Variants in CD47 observed in about 807,000 individuals in gnomAD.
CD47 encodes the protein CD47 molecule.
In CD47, 11 loss-of-function variants were observed where a neutral mutation model predicts 44.6. That is an observed-to-expected ratio of 0.25 (90% CI 0.16 to 0.41). The LOEUF is 0.41. Among genes scored for constraint, CD47 ranks in the 10% least tolerant of loss-of-function variants. The pLI is 1.00. For synonymous variants in CD47, 140 were observed against 136.3 expected (o/e 1.03, Z -0.19); for missense variants, 306 against 386.7 (o/e 0.79, Z 1.75).
At chr3:108,075,858 A>G (rs1183375299) in intron 2 of CD47, among the ~76,000 whole-genome samples, 2 of 152,244 alleles carry the variant, frequency 1.3e-5, no homozygotes, top group African/African-American at 4.8e-5. Flanking sequence ...AATAAACTCA[A>G]TATGTGAGAG....
intron 5 of CD47, 22 bp downstream of exon 5, chr3:108,059,430 T>C: frequency 8.6e-7 from 1 of 1,164,608 alleles, no homozygotes; most frequent in South Asian, 1.6e-5. Flanking sequence ...GACAAAATCA[T>C]ACTGTAACAA....
chr3:108,078,530 T>C (rs948941442), intron 2 of CD47, among the ~76,000 whole-genome samples: 1 of 151,458 alleles, frequency 6.6e-6, no homozygotes, highest in Non-Finnish European at 1.5e-5. Flanking sequence ...CTCAGAAAAA[T>C]TTCAACTAGG....
intron 3 of CD47, among the ~76,000 whole-genome samples, chr3:108,062,679 G>A (rs546961594): frequency 1.6e-3 from 225 of 144,446 alleles, no homozygotes; most frequent in African/African-American, 5.4e-3. Context: ...CTCTCACTCC[G>A]TTACCCAGGC....
At chr3:108,077,150 C>T (rs1441545337) in intron 2 of CD47, among the ~76,000 whole-genome samples, 1 of 152,144 alleles carries the variant, frequency 6.6e-6, no homozygotes, top group Non-Finnish European at 1.5e-5. Flanking sequence ...GTAGAATTCA[C>T]TTCTCTATTG....
intron 8 of CD47, 118 bp from the exon 9 acceptor site, chr3:108,050,720 A>C (rs2078811931): frequency 1.7e-5 from 8 of 464,920 alleles, no homozygotes; most frequent in Admixed American, 1.5e-4. Flanking sequence ...CCTACAGTCA[A>C]AAAAAAAAGA....
chr3:108,068,799 C>A (rs2108249418), intron 3 of CD47, among the ~76,000 whole-genome samples: 1 of 152,308 alleles, frequency 6.6e-6, no homozygotes, highest in South Asian at 2.1e-4. Context: ...TGGTTAGCTA[C>A]TATTATCATC....
intron 3 of CD47, among the ~76,000 whole-genome samples, chr3:108,063,785 G>T (rs2079059692): frequency 6.6e-6 from 1 of 152,094 alleles, no homozygotes; most frequent in African/African-American, 2.4e-5. Flanking sequence ...TTTAAAATCT[G>T]CATGCTCTTA....
chr3:108,052,317 A>G (rs187439188), intron 7 of CD47: 9 of 251,850 alleles, frequency 3.6e-5, no homozygotes, highest in Admixed American at 2.6e-4. Context: ...TCCCTCCTCT[A>G]TCTACCCAGA....
intron 2 of CD47, 77 bp downstream of exon 2, chr3:108,079,914 C>A: frequency 1.2e-6 from 1 of 828,598 alleles, no homozygotes; most frequent in Non-Finnish European, 2.0e-6. Flanking sequence ...AGTACCTATC[C>A]CCATTTGGCC....
rs1253867675 is a variant in CD47 at position 108,090,933 on chromosome 3, G to C, written c.-25C>G. The C allele has an allele frequency of 5.5e-6, 8 of 1,457,416 alleles. No homozygotes were observed. The South Asian group carries it at 9.0e-5, about 16-fold the overall frequency. The allele number at this position is 1,457,416 out of a possible 1,614,324, so 90.3% of individuals were successfully genotyped here. A position where few individuals can be genotyped will look rare whatever the true frequency, so the allele number is the denominator to read the frequency against. ...TCTCCGCGCCCGCCGCGGGGTCGCC[G>C]CCGCCGCCGCAGGTGTCCGGAGCAG... On this transcript the variant is annotated 5_prime_UTR_variant, in exon 1 of 11. Transcript: ENST00000361309.
intron 3 of CD47, among the ~76,000 whole-genome samples, chr3:108,066,730 A>G (rs1337898813): frequency 1.3e-5 from 2 of 152,244 alleles, no homozygotes; most frequent in Non-Finnish European, 2.9e-5. Context: ...TGAATAGACC[A>G]TAAATGGAGT....
At chr3:108,068,393 G>A (rs944614929) in intron 3 of CD47, among the ~76,000 whole-genome samples, 1 of 152,180 alleles carries the variant, frequency 6.6e-6, no homozygotes, top group Non-Finnish European at 1.5e-5. Context: ...ATGTAGCTTG[G>A]TGTCCAGCAA....
chr3:108,057,335 T>C (rs549114957), intron 7 of CD47, 142 bp downstream of exon 7: 8 of 530,290 alleles, frequency 1.5e-5, no homozygotes, highest in African/African-American at 9.7e-5. Flanking sequence ...ATATGTCTTC[T>C]ACCCTCTTTA....
chr3:108,052,256 C>T, intron 7 of CD47: 1 of 288,116 alleles, frequency 3.5e-6, no homozygotes, highest in Non-Finnish European at 6.7e-6. Context: ...GTTACACTGG[C>T]TGGTGGGAAA....
At chr3:108,079,581 A>C (rs1219314605) in intron 2 of CD47, among the ~76,000 whole-genome samples, 8 of 148,986 alleles carry the variant, frequency 5.4e-5, no homozygotes, top group African/African-American at 1.2e-4. Flanking sequence ...AAAAAAAAAA[A>C]AAAAAAAAAA....
At chr3:108,076,234 A>G (rs1446942868) in intron 2 of CD47, among the ~76,000 whole-genome samples, 1 of 152,220 alleles carries the variant, frequency 6.6e-6, no homozygotes, top group Non-Finnish European at 1.5e-5. Flanking sequence ...CTAGAAAACT[A>G]ATACAAAGAT....
chr3:108,065,618 C>T (rs2079090843), intron 3 of CD47, among the ~76,000 whole-genome samples: 1 of 151,750 alleles, frequency 6.6e-6, no homozygotes. Context: ...CGAGACCAGC[C>T]TGGCCAATAT....
At chr3:108,066,431 C>T (rs1344930948) in intron 3 of CD47, among the ~76,000 whole-genome samples, 1 of 152,172 alleles carries the variant, frequency 6.6e-6, no homozygotes, top group African/African-American at 2.4e-5. Flanking sequence ...GCATAAAGTA[C>T]AACTTCACTG....
intron 7 of CD47, among the ~76,000 whole-genome samples, chr3:108,056,434 A>G (rs1391106247): frequency 6.6e-6 from 1 of 152,222 alleles, no homozygotes; most frequent in African/African-American, 2.4e-5. Flanking sequence ...AAAGTTCAGA[A>G]ATAAAGGTAA....
Sources: allele counts gnomAD v4.1 joint callset (sites outside exome capture counted in the v4.1 genomes callset), GRCh38; gene constraint gnomAD v4.1.1; transcripts MANE v1.5; gene names NCBI Gene and HGNC (gene_info 2026-07-23, HGNC 2026-07-21).